Variants in DCC observed in about 807,000 individuals in gnomAD.
The protein encoded by DCC is DCC netrin 1 receptor.
DCC carries 58 observed loss-of-function variants against 172.5 expected under a neutral mutation model. The ratio of observed to expected loss-of-function variants is 0.34; its 90% CI spans 0.27 to 0.42. The LOEUF is 0.42. Ranked by LOEUF, DCC falls within the 10% of genes least tolerant of loss-of-function variation. The pLI is 1.00. For synonymous variants in DCC, 709 were observed against 644.5 expected (o/e 1.10, Z -1.52); for missense variants, 1,740 against 1,791.0 (o/e 0.97, Z 0.51).
intron 2 of DCC, among the ~76,000 whole-genome samples, chr18:52,859,955 TAA>T (rs2039113949): frequency 1.3e-5 from 2 of 152,170 alleles, no homozygotes; most frequent in African/African-American, 2.4e-5. Context: ...AATAAATAAA[TAA>T]ATAAATACAT....
rs561522539 is a variant in DCC at position 52,569,616 on chromosome 18, C to T, written c.92-182438C>T. Among the ~76,000 whole-genome samples the T allele has an allele frequency of 5.3e-5, 8 of 152,206 alleles. No individual in the cohort carries two copies. In the South Asian group the frequency reaches 1.7e-3, roughly 32 times the overall value. ...CATTAACTTCACAGGCAATATGGAA[C>T]TTCCTCTAGGGCTTCAAGTACTGTA... is the stretch of plus-strand genomic sequence containing the variant. On this transcript the variant is annotated intron_variant, in intron 1 of 28. Coordinates refer to ENST00000442544, the MANE Select transcript of DCC (RefSeq NM_005215.4).
chr18:53,296,814 A>G (rs996013662), intron 12 of DCC, among the ~76,000 whole-genome samples: 1 of 152,212 alleles, frequency 6.6e-6, no homozygotes, highest in African/African-American at 2.4e-5. Flanking sequence ...CTGATTTTAA[A>G]TTAGTTTTCA....
rs769350859 is a variant in DCC at position 53,391,859 on chromosome 18, C to T, written c.2660C>T (p.Thr887Ile). The change falls in exon 17 of 29, where the codon ACC becomes ATC. Residue 887 changes from threonine (T) to isoleucine (I), a missense_variant. Physicochemically the swap from Thr to Ile is moderately conservative, Grantham distance 89. Coordinates refer to ENST00000442544, the MANE Select transcript of DCC (RefSeq NM_005215.4). ...CGACTTTACACCGTCCGGTGGAGAA[C>T]CAGCTTTTCTGCAAGTGCAAAATAC... ...EVRLYTVRWR[T>I]SFSASAKYKS... The T allele has an allele frequency of 2.5e-5, 41 of 1,610,132 alleles. No homozygotes were observed. The highest frequency in any genetic ancestry group is 3.5e-5 in the Non-Finnish European group (41 of 1,176,366).
chr18:52,521,045 A>C (rs576986538), intron 1 of DCC, among the ~76,000 whole-genome samples: 1 of 152,300 alleles, frequency 6.6e-6, no homozygotes, highest in Admixed American at 6.5e-5. Flanking sequence ...ATGGTGGTAT[A>C]TTTAAAGCCA....
At chr18:52,783,948 G>A (rs1240517661) in intron 2 of DCC, among the ~76,000 whole-genome samples, 1 of 152,000 alleles carries the variant, frequency 6.6e-6, no homozygotes, top group Non-Finnish European at 1.5e-5. Context: ...TGTGTTGGGG[G>A]CATTTTGACT....
chr18:53,130,089 T>C (rs1484317336), intron 7 of DCC, among the ~76,000 whole-genome samples: 2 of 152,176 alleles, frequency 1.3e-5, no homozygotes, highest in Non-Finnish European at 2.9e-5. Flanking sequence ...TTTTTACTTT[T>C]TGCTTGTCTA....
intron 10 of DCC, among the ~76,000 whole-genome samples, chr18:53,206,623 A>T (rs2055651652): frequency 9.2e-6 from 1 of 108,248 alleles, no homozygotes; most frequent in South Asian, 2.4e-4. Flanking sequence ...ATAATATATA[A>T]TACATATATG....
At chr18:52,780,054 C>T (rs190071055) in intron 2 of DCC, among the ~76,000 whole-genome samples, 4 of 149,442 alleles carry the variant, frequency 2.7e-5, no homozygotes, top group East Asian at 1.9e-4. Context: ...ACTACTTCAT[C>T]GTGGCCTTTT....
chr18:52,521,316 G>A (rs952990372), intron 1 of DCC, among the ~76,000 whole-genome samples: 1 of 152,118 alleles, frequency 6.6e-6, no homozygotes, highest in African/African-American at 2.4e-5. Context: ...CTCCCATCAT[G>A]TTCACTGAAT....
intron 5 of DCC, among the ~76,000 whole-genome samples, chr18:53,007,546 C>G (rs2041664470): frequency 6.6e-6 from 1 of 152,030 alleles, no homozygotes; most frequent in African/African-American, 2.4e-5. Context: ...GTAAAATATA[C>G]TGAGAGTCAG....
intron 1 of DCC, among the ~76,000 whole-genome samples, chr18:52,566,498 T>A (rs1256752504): frequency 4.6e-5 from 7 of 152,064 alleles, no homozygotes; most frequent in Admixed American, 4.6e-4. Context: ...GCACATGTAT[T>A]CCAGAACTTA....
At chr18:53,267,735 G>C (rs1445792237) in intron 12 of DCC, among the ~76,000 whole-genome samples, 1 of 151,336 alleles carries the variant, frequency 6.6e-6, no homozygotes, top group Non-Finnish European at 1.5e-5. Flanking sequence ...CCAAATGCTA[G>C]GATTAAAGGT....
At chr18:52,352,469 T>C (rs181355254) in intron 1 of DCC, among the ~76,000 whole-genome samples, 3 of 152,312 alleles carry the variant, frequency 2.0e-5, no homozygotes, top group Non-Finnish European at 2.9e-5. Context: ...TCTGACATAG[T>C]GCAATACTGA....
intron 2 of DCC, among the ~76,000 whole-genome samples, chr18:52,778,333 TAATG>T (rs1268834273): frequency 3.9e-5 from 6 of 152,202 alleles, no homozygotes; most frequent in African/African-American, 1.4e-4. Flanking sequence ...GAATGTCTTT[TAATG>T]AATCTTGGGG....
intron 5 of DCC, among the ~76,000 whole-genome samples, chr18:53,029,153 T>C (rs1192135382): frequency 1.3e-5 from 2 of 152,116 alleles, no homozygotes. Context: ...TACAATTAAT[T>C]CACAAAGAAG....
intron 27 of DCC, among the ~76,000 whole-genome samples, chr18:53,501,329 A>G (rs994484266): frequency 3.9e-5 from 6 of 152,218 alleles, no homozygotes; most frequent in Non-Finnish European, 7.3e-5. Context: ...TTAAGTCTAC[A>G]TAGCAAGTAA....
At chr18:53,097,519 G>T (rs1599130839) in intron 7 of DCC, among the ~76,000 whole-genome samples, 1 of 152,124 alleles carries the variant, frequency 6.6e-6, no homozygotes, top group African/African-American at 2.4e-5. Context: ...GATGAGTATA[G>T]CAATAAATTA....
At chr18:52,870,261 G>C (rs566370850) in intron 2 of DCC, among the ~76,000 whole-genome samples, 1 of 152,060 alleles carries the variant, frequency 6.6e-6, no homozygotes, top group Admixed American at 6.5e-5. Context: ...CTGGTAGCAG[G>C]TCCCGTGGGG....
At chr18:53,274,680 C>T (rs1355613217) in intron 12 of DCC, among the ~76,000 whole-genome samples, 3 of 152,184 alleles carry the variant, frequency 2.0e-5, no homozygotes, top group Admixed American at 6.5e-5. Context: ...AACACCTATT[C>T]GTATTACAGA....
Sources: gnomAD v4.1 joint callset for allele counts (sites outside exome capture counted in the v4.1 genomes callset) on GRCh38, gnomAD v4.1.1 for gene constraint, MANE v1.5 for transcripts, NCBI Gene and HGNC (gene_info 2026-07-23, HGNC 2026-07-21) for gene names.